Variants in EPHA6 observed in about 807,000 individuals in gnomAD.
The protein encoded by EPHA6 is ephrin type-A receptor 6.
Under a neutral mutation model 112.0 loss-of-function variants are expected in EPHA6, and 50 were observed. That is an observed-to-expected ratio of 0.45 (90% CI 0.36 to 0.56). The LOEUF (loss-of-function observed/expected upper bound fraction) is 0.56, where lower values mean the gene tolerates loss of function less well. Among genes scored for constraint, EPHA6 ranks in the 20% least tolerant of loss-of-function variants. EPHA6 has a pLI of 0.00. For synonymous variants in EPHA6, 529 were observed against 490.7 expected, an observed-to-expected ratio of 1.08 and a Z score of -1.03; for missense variants, 1,280 against 1,417.4, an observed-to-expected ratio of 0.90 and a Z score of 1.56.
chr3:96,936,949 T>C (rs2040622601), intron 2 of EPHA6, among the ~76,000 whole-genome samples: 1 of 152,244 alleles, frequency 6.6e-6, no homozygotes. Context: ...TACTCCTTTT[T>C]TATGGCTGCA....
In EPHA6 at chr3:96,913,161, TACACACACACACACACACACAC is replaced by T. The variant is rs768422240; in HGVS notation, c.450+46303_450+46324del. 1.6e-4 allele frequency among the ~76,000 whole-genome samples: 20 copies of T among 123,166 alleles called. 1 individual carries two copies. The highest frequency in any genetic ancestry group is 1.3e-3 in the South Asian group (4 of 3,186). The allele number at this position is 123,166 out of a possible 152,430, so 80.8% of individuals were successfully genotyped here. On this transcript the variant is annotated intron_variant, in intron 2 of 17. Transcript: ENST00000389672. Reference sequence around the variant, plus strand: ...CTGGGCAACATAGTGAGACCCCGTCTACACACACACACACACACACACACACACACACACACACACACACACA... The same window carrying T: ...CTGGGCAACATAGTGAGACCCCGTCTACACACACACACACACACACACACA...
chr3:97,171,021 TA>T (rs911204658), intron 3 of EPHA6, among the ~76,000 whole-genome samples: 15 of 152,204 alleles, frequency 9.9e-5, no homozygotes, highest in African/African-American at 3.6e-4. Flanking sequence ...CTTGAACCAC[TA>T]TAAATAATGG....
At chr3:97,007,587 G>C (rs184612081) in intron 3 of EPHA6, among the ~76,000 whole-genome samples, 3 of 151,870 alleles carry the variant, frequency 2.0e-5, no homozygotes, top group African/African-American at 7.2e-5. Context: ...TTTTAATTGG[G>C]GCATTTAGCC....
At chr3:96,838,708 A>G (rs894044731) in intron 1 of EPHA6, among the ~76,000 whole-genome samples, 1 of 152,122 alleles carries the variant, frequency 6.6e-6, no homozygotes, top group Admixed American at 6.6e-5. Context: ...ACAAATTTGC[A>G]CTAAAATTCT....
intron 3 of EPHA6, among the ~76,000 whole-genome samples, chr3:97,029,651 G>A (rs942193674): frequency 6.6e-6 from 1 of 152,072 alleles, no homozygotes; most frequent in African/African-American, 2.4e-5. Flanking sequence ...GTAATATTTT[G>A]TAACTCTGTT....
chr3:97,690,402 T>C (rs946329622), intron 14 of EPHA6, among the ~76,000 whole-genome samples: 29 of 152,244 alleles, frequency 1.9e-4, no homozygotes, highest in African/African-American at 6.3e-4. Context: ...TTACTAATGA[T>C]GTTGAACATT....
chr3:97,741,264 G>C (rs2035494757), intron 16 of EPHA6, among the ~76,000 whole-genome samples: 1 of 151,922 alleles, frequency 6.6e-6, no homozygotes, highest in Admixed American at 6.6e-5. Flanking sequence ...AAGGTGGGAG[G>C]ATCACTTGAG....
At chr3:97,165,918 A>G (rs1167961372) in intron 3 of EPHA6, among the ~76,000 whole-genome samples, 4 of 152,176 alleles carry the variant, frequency 2.6e-5, no homozygotes, top group Admixed American at 2.6e-4. Context: ...CAAGTTTGCA[A>G]TGCAGTCTGA....
intron 3 of EPHA6, among the ~76,000 whole-genome samples, chr3:97,211,864 C>A (rs569265893): frequency 8.3e-4 from 127 of 152,138 alleles, no homozygotes; most frequent in Non-Finnish European, 1.5e-3. Context: ...AGGCCACATT[C>A]TTTATTTACT....
At chr3:97,617,562 G>A (rs1033157037) in intron 13 of EPHA6, among the ~76,000 whole-genome samples, 1 of 152,092 alleles carries the variant, frequency 6.6e-6, no homozygotes, top group Admixed American at 6.6e-5. Flanking sequence ...AACACAGGTA[G>A]GCTCAAAATA....
chr3:97,282,817 C>A (rs1453348701), intron 5 of EPHA6, among the ~76,000 whole-genome samples: 1 of 152,110 alleles, frequency 6.6e-6, no homozygotes, highest in East Asian at 1.9e-4. Context: ...AGGGGAACAA[C>A]ACACACCGGG....
chr3:97,512,587 C>T (rs925420278), intron 10 of EPHA6, among the ~76,000 whole-genome samples: 1 of 152,040 alleles, frequency 6.6e-6, no homozygotes, highest in Non-Finnish European at 1.5e-5. Flanking sequence ...TGTTTTGAGG[C>T]AGAGTCTCAT....
intron 14 of EPHA6, among the ~76,000 whole-genome samples, chr3:97,701,997 G>A (rs547116228): frequency 6.6e-6 from 1 of 152,226 alleles, no homozygotes; most frequent in Admixed American, 6.5e-5. Context: ...ATCCTGCTCT[G>A]ACAGTCTGAC....
At chr3:96,823,197 A>G (rs1187947697) in intron 1 of EPHA6, among the ~76,000 whole-genome samples, 1 of 151,786 alleles carries the variant, frequency 6.6e-6, no homozygotes, top group Non-Finnish European at 1.5e-5. Context: ...GAGTAAATAG[A>G]GAATTTAAGT....
intron 6 of EPHA6, 50 bp from the exon 7 acceptor site, chr3:97,448,517 AG>A: frequency 6.4e-7 from 1 of 1,573,590 alleles, no homozygotes; most frequent in Non-Finnish European, 8.7e-7. Context: ...TTCTAGGAAA[AG>A]GTAGAATAAC....
chr3:97,043,903 G>A (rs990325280), intron 3 of EPHA6, among the ~76,000 whole-genome samples: 3 of 152,138 alleles, frequency 2.0e-5, no homozygotes, highest in African/African-American at 7.2e-5. Flanking sequence ...AGCCCTGATG[G>A]CTGAAGGAAT....
intron 6 of EPHA6, among the ~76,000 whole-genome samples, chr3:97,446,046 C>A (rs1286364884): frequency 6.6e-6 from 1 of 152,136 alleles, no homozygotes; most frequent in Non-Finnish European, 1.5e-5. Context: ...GGTGACAACA[C>A]CTTTGAAATG....
chr3:97,757,306 T>C lies in EPHA6; in HGVS notation c.*8605T>C, dbSNP rs1576409966. Among the ~76,000 whole-genome samples, 5 of 151,978 alleles carry C rather than the reference T, an allele frequency of 3.3e-5. No individual in the cohort carries two copies. The South Asian group carries it at 8.3e-4, about 25-fold the overall frequency. ...TCTCTAATATAAATGAGTACACTAA[T>C]AGTTGTTAAAATATGTATTGATACA... On this transcript the variant is annotated 3_prime_UTR_variant, in exon 18 of 18. Transcript: ENST00000389672.
chr3:97,022,138 C>G (rs2044483325), intron 3 of EPHA6, among the ~76,000 whole-genome samples: 1 of 152,078 alleles, frequency 6.6e-6, no homozygotes, highest in Admixed American at 6.6e-5. Context: ...TGTCCTTTCT[C>G]AAAGGTAGAC....
Sources: allele counts gnomAD v4.1 joint callset (sites outside exome capture counted in the v4.1 genomes callset), GRCh38; gene constraint gnomAD v4.1.1; transcripts MANE v1.5; gene names NCBI Gene and HGNC (gene_info 2026-07-23, HGNC 2026-07-21).